LSAMP: variants seen among roughly 807,000 people sequenced by gnomAD.
LSAMP encodes the protein limbic system-associated membrane protein.
LSAMP carries 7 observed loss-of-function variants against 38.6 expected under a neutral mutation model. That is an observed-to-expected ratio of 0.18 (90% confidence interval 0.10 to 0.34). The LOEUF (loss-of-function observed/expected upper bound fraction) is 0.34, where lower values mean the gene tolerates loss of function less well. Among genes scored for constraint, LSAMP ranks in the 10% least tolerant of loss-of-function variants. LSAMP has a pLI of 1.00. For missense variants in LSAMP, 313 were observed against 420.0 expected (o/e 0.75, Z 2.23); for synonymous variants, 154 against 166.8 (o/e 0.92, Z 0.59).
At chr3:115,850,981 T>TCTC (rs1559850126) in intron 4 of LSAMP, among the ~76,000 whole-genome samples, 2 of 136,538 alleles carry the variant, frequency 1.5e-5, no homozygotes, top group African/African-American at 2.7e-5. Flanking sequence ...CTCTCTCTCT[T>TCTC]TTTTATTTTG....
At chr3:116,103,918 AC>A (rs761930221) in intron 1 of LSAMP, among the ~76,000 whole-genome samples, 2 of 152,252 alleles carry the variant, frequency 1.3e-5, no homozygotes, top group Non-Finnish European at 2.9e-5. Context: ...TTATCATTGT[AC>A]CTTTGTATAA....
At position 116,011,725 on chromosome 3, in the gene LSAMP, A is replaced by C. The variant is rs1426944046; in HGVS notation, c.514+7790T>G. ...GAATGAATTAGTAGTTTCCAAGGAA[A>C]ATACTCAAGATAATGTGTGAAATTA... On this transcript the variant is annotated intron_variant, in intron 3 of 6. Transcript: ENST00000490035. 4.6e-3 allele frequency among the ~76,000 whole-genome samples: 699 copies of C among 152,338 alleles called. 2 individuals carry two copies. The highest frequency in any genetic ancestry group is 0.016 in the African/African-American group (669 of 41,578).
chr3:115,901,048 T>C (rs574661876), intron 3 of LSAMP, among the ~76,000 whole-genome samples: 3 of 152,220 alleles, frequency 2.0e-5, no homozygotes, highest in African/African-American at 7.2e-5. Flanking sequence ...TGCTTAGTAG[T>C]GAGTAGCAGG....
chr3:116,060,503 G>A (rs1429602727), intron 2 of LSAMP, among the ~76,000 whole-genome samples: 2 of 152,206 alleles, frequency 1.3e-5, no homozygotes, highest in African/African-American at 2.4e-5. Context: ...GCTCACGCCT[G>A]TAATCCCAAC....
At chr3:115,970,546 C>A (rs181380538) in intron 3 of LSAMP, among the ~76,000 whole-genome samples, 262 of 152,188 alleles carry the variant, frequency 1.7e-3, no homozygotes, top group Non-Finnish European at 3.1e-3. Flanking sequence ...TGCCCTTGGA[C>A]CTTAGTGTAC....
At chr3:115,984,686 T>C (rs1348265727) in intron 3 of LSAMP, among the ~76,000 whole-genome samples, 3 of 152,226 alleles carry the variant, frequency 2.0e-5, no homozygotes, top group Non-Finnish European at 4.4e-5. Flanking sequence ...GCCCTAATGA[T>C]AATGGTAAGT....
chr3:116,299,826 C>A (rs1006140608), intron 1 of LSAMP, among the ~76,000 whole-genome samples: 2 of 152,132 alleles, frequency 1.3e-5, no homozygotes, highest in Non-Finnish European at 2.9e-5. Context: ...AAAAACAAGA[C>A]CCTTAGCATA....
chr3:116,442,815 C>A (rs1288420982), intron 1 of LSAMP, among the ~76,000 whole-genome samples: 3 of 152,166 alleles, frequency 2.0e-5, no homozygotes, highest in Admixed American at 2.0e-4. Flanking sequence ...ACTGTAATGT[C>A]TGCTAAAGCG....
intron 1 of LSAMP, among the ~76,000 whole-genome samples, chr3:116,116,528 C>T (rs1321138515): frequency 1.6e-5 from 2 of 127,846 alleles, no homozygotes; most frequent in Non-Finnish European, 3.2e-5. Flanking sequence ...AACCCCATCT[C>T]TACTAAAAAA....
At chr3:116,015,702 C>A (rs1476217670) in intron 3 of LSAMP, among the ~76,000 whole-genome samples, 1 of 152,038 alleles carries the variant, frequency 6.6e-6, no homozygotes, top group Non-Finnish European at 1.5e-5. Flanking sequence ...TAAGCACTTG[C>A]AGTATACTTG....
intron 1 of LSAMP, among the ~76,000 whole-genome samples, chr3:116,382,632 C>A (rs368381003): frequency 1.3e-5 from 2 of 151,946 alleles, no homozygotes; most frequent in African/African-American, 2.4e-5. Flanking sequence ...TGCACATGTA[C>A]CCTAGAACTT....
chr3:115,870,789 A>G (rs1018424840), intron 3 of LSAMP, among the ~76,000 whole-genome samples: 3 of 152,152 alleles, frequency 2.0e-5, no homozygotes, highest in Admixed American at 2.0e-4. Flanking sequence ...TAGGGAAGAG[A>G]TTGCTGCATT....
chr3:115,842,003 CA>C lies in LSAMP; in HGVS notation c.771-11del, dbSNP rs748172775. ...ATTGGCACTATTTATCCTAAGAGTT[CA>C]AAAACAGAAGAATAGAAAGGATCAC... On this transcript the variant is annotated splice_polypyrimidine_tract_variant and intron_variant, in intron 5 of 6. Coordinates refer to ENST00000490035, the MANE Select transcript of LSAMP (RefSeq NM_002338.5). The C allele has an allele frequency of 6.2e-7, 1 of 1,603,478 alleles. No homozygotes were observed. Among genetic ancestry groups the C allele is most frequent in the Admixed American group, 1.7e-5 (1 of 57,556 alleles).
At chr3:115,903,799 T>A (rs1936941210) in intron 3 of LSAMP, among the ~76,000 whole-genome samples, 1 of 152,194 alleles carries the variant, frequency 6.6e-6, no homozygotes, top group Admixed American at 6.5e-5. Context: ...TCAAATAATA[T>A]CCTATGGGAT....
intron 1 of LSAMP, among the ~76,000 whole-genome samples, chr3:116,172,808 C>T (rs1008640235): frequency 2.0e-5 from 3 of 151,912 alleles, no homozygotes; most frequent in African/African-American, 7.2e-5. Context: ...TCAAGTTTTG[C>T]TTGATAACCT....
chr3:115,974,815 TA>T (rs1336340820), intron 3 of LSAMP, among the ~76,000 whole-genome samples: 1 of 152,060 alleles, frequency 6.6e-6, no homozygotes, highest in Non-Finnish European at 1.5e-5. Flanking sequence ...GCCCTTAAGA[TA>T]AAAAGTCTAA....
At chr3:116,062,170 C>T (rs757318674) in intron 2 of LSAMP, among the ~76,000 whole-genome samples, 18 of 152,208 alleles carry the variant, frequency 1.2e-4, no homozygotes, top group Non-Finnish European at 2.6e-4. Context: ...GGTCTCAGCT[C>T]TCCTGCCCTC....
intron 3 of LSAMP, among the ~76,000 whole-genome samples, chr3:115,975,432 C>T (rs570931940): frequency 5.3e-5 from 8 of 152,244 alleles, no homozygotes; most frequent in Non-Finnish European, 1.0e-4. Context: ...AGGGACAGAG[C>T]TTTGGGGTGT....
rs1026346494 is a variant in LSAMP at position 115,806,207 on chromosome 3, A to G, written c.*4110T>C. The G allele has an allele frequency of 2.0e-5, 3 of 152,166 alleles. No individual in the cohort carries two copies. The highest frequency in any genetic ancestry group is 7.2e-5 in the African/African-American group (3 of 41,450). The allele number at this position is 152,166 out of a possible 1,614,324, so 9.4% of individuals were successfully genotyped here. ...TCTATGTCTTTCTACGTGAGCATAG[A>G]TTTTCTTTCTAAACAACCAAATTCA... On this transcript the variant is annotated 3_prime_UTR_variant, in exon 7 of 7. Coordinates refer to ENST00000490035, the MANE Select transcript of LSAMP (RefSeq NM_002338.5).
Sources: allele counts gnomAD v4.1 joint callset (sites outside exome capture counted in the v4.1 genomes callset), GRCh38; gene constraint gnomAD v4.1.1; transcripts MANE v1.5; gene names NCBI Gene and HGNC (gene_info 2026-07-23, HGNC 2026-07-21).